The following HSPG2 variants were observed in gnomAD, a reference collection of about 807,000 sequenced individuals.
The protein encoded by HSPG2 is heparan sulfate proteoglycan 2, also known as basement membrane-specific heparan sulfate proteoglycan core protein.
A neutral mutation model predicts 526.6 loss-of-function variants in HSPG2; 278 were observed. The ratio of observed to expected loss-of-function variants is 0.53; its 90% CI spans 0.48 to 0.58. The LOEUF (loss-of-function observed/expected upper bound fraction) is 0.58, where lower values mean the gene tolerates loss of function less well. Ranked by LOEUF, HSPG2 falls within the 20% of genes least tolerant of loss-of-function variation. The pLI, the probability that HSPG2 is intolerant of heterozygous loss-of-function variation, is 0.00. For synonymous variants in HSPG2, 2,465 were observed against 2,555.4 expected (o/e 0.96, Z 1.07); for missense variants, 5,354 against 6,099.5 (o/e 0.88, Z 4.07).
intron 85 of HSPG2, 162 bp from the exon 86 acceptor site, chr1:21,830,253 G>A (rs905388186): frequency 9.3e-6 from 6 of 646,300 alleles, no homozygotes; most frequent in Non-Finnish European, 1.7e-5. Context: ...AGAGCAAGGC[G>A]GGAGCCAGAA....
At position 21,855,689 on chromosome 1, in the gene HSPG2, G is replaced by A. The variant is rs1165837036; in HGVS notation, c.5702-14C>T. ...CGCCGGGGCCCCCTGACGAGTAGAC[G>A]TGGGGTCAGCACCCACCAAGCCTGC... is the stretch of plus-strand genomic sequence containing the variant. On this transcript the variant is annotated splice_polypyrimidine_tract_variant and intron_variant, in intron 45 of 96. Transcript: ENST00000374695. 8.8e-6 allele frequency: 14 copies of A among 1,582,852 alleles called. No homozygotes were observed. The highest frequency in any genetic ancestry group is 1.7e-4 in the Middle Eastern group (1 of 6,050).
intron 49 of HSPG2, 74 bp downstream of exon 49, chr1:21,854,537 C>G: frequency 6.7e-7 from 1 of 1,494,906 alleles, no homozygotes; most frequent in East Asian, 2.5e-5. Context: ...CCTCCCCCGC[C>G]CAGCGTACAG....
chr1:21,917,584 C>T (rs1643919075), intron 1 of HSPG2, among the ~76,000 whole-genome samples: 1 of 152,166 alleles, frequency 6.6e-6, no homozygotes, highest in African/African-American at 2.4e-5. Context: ...AAAAGCTGGG[C>T]TTGGACTTCT....
intron 22 of HSPG2, 48 bp downstream of exon 22, chr1:21,876,464 A>G: frequency 6.2e-7 from 1 of 1,612,922 alleles, no homozygotes; most frequent in Non-Finnish European, 8.5e-7. Flanking sequence ...CGCTTGGTCC[A>G]TCCGGCCCAG....
intron 52 of HSPG2, 63 bp from the exon 53 acceptor site, chr1:21,852,296 C>A (rs1474488639): frequency 1.9e-6 from 3 of 1,597,378 alleles, no homozygotes; most frequent in Non-Finnish European, 2.6e-6. Flanking sequence ...GCAGGGGTTG[C>A]CCACCCTGCA....
At chr1:21,876,489 G>T in intron 22 of HSPG2, 23 bp downstream of exon 22, 1 of 1,613,664 alleles carries the variant, frequency 6.2e-7, no homozygotes, top group South Asian at 1.1e-5. Context: ...TGGCGGTCCT[G>T]CCCGCCCACC....
In HSPG2 at chr1:21,876,319, G is replaced by A. The variant is rs1431284519; in HGVS notation, c.2913C>T (p.Pro971=). 2 of 1,613,910 alleles carry A rather than the reference G, an allele frequency of 1.2e-6. No homozygotes were observed. The highest frequency in any genetic ancestry group is 2.2e-5 in the South Asian group (2 of 91,046). The change falls in exon 23 of 97, where the codon CCC becomes CCT. Residue 971 remains proline, a synonymous_variant. Transcript: ENST00000374695. ...AGGAGAATCCCAGTTCCCCGGGCGT[G>A]GGGGAGAAGATGCCCTCGTTGGTGG... ...THTTNEGIFS[P]TPGELGFSSF...
chr1:21,843,171 C>T, intron 66 of HSPG2, 126 bp downstream of exon 66: 1 of 1,409,622 alleles, frequency 7.1e-7, no homozygotes, highest in Non-Finnish European at 1.0e-6. Flanking sequence ...TGGCTTGATC[C>T]TCCGTGGTAG....
chr1:21,875,302 C>A (rs570464871), intron 25 of HSPG2: 27 of 594,312 alleles, frequency 4.5e-5, no homozygotes, highest in Non-Finnish European at 7.2e-5. Context: ...GATCACTCTC[C>A]GGCGAATGAC....
chr1:21,825,849 A>C (rs1389000693), intron 91 of HSPG2, among the ~76,000 whole-genome samples: 1 of 152,074 alleles, frequency 6.6e-6, no homozygotes, highest in Admixed American at 6.5e-5. Context: ...GCAGTGGCAC[A>C]ATCTTGGTTC....
intron 1 of HSPG2, among the ~76,000 whole-genome samples, chr1:21,916,538 A>G (rs1374153335): frequency 6.6e-6 from 1 of 151,440 alleles, no homozygotes; most frequent in Admixed American, 6.6e-5. Flanking sequence ...AAATAACACA[A>G]AAAAAATTGC....
chr1:21,853,041 C>T lies in HSPG2; in HGVS notation c.6469G>A (p.Glu2157Lys), dbSNP rs775573796. Residue 2157 changes from glutamate (E) to lysine (K), a missense_variant, in exon 51 of 97, where the codon GAG (glutamate) becomes AAG (lysine). Coordinates refer to ENST00000374695, the MANE Select transcript of HSPG2 (RefSeq NM_005529.7). The stretch of plus-strand genomic sequence containing the variant: ...TCCGCCACGTGTGAGGAGGAGGGCT[C>T]GATGCGGATGGGCCGGGTGCTGCCG... ...VPGSTRPIRI[E>K]PSSSHVAEGQ... The T allele has an allele frequency of 2.9e-5, 46 of 1,613,866 alleles. No individual in the cohort carries two copies. The highest frequency in any genetic ancestry group is 2.7e-4 in the South Asian group (25 of 91,072).
In HSPG2 at chr1:21,835,219, G is replaced by A. The variant is rs114688070; in HGVS notation, c.10454-274C>T. On this transcript the variant is annotated intron_variant, in intron 76 of 96. Coordinates refer to ENST00000374695, the MANE Select transcript of HSPG2 (RefSeq NM_005529.7). Reference sequence around the variant, plus strand: ...GCTCACCACAGCCTAGAATTCATGCGCTCAAGCAATGCTCCCAGCTTAGCC... The same window carrying A: ...GCTCACCACAGCCTAGAATTCATGCACTCAAGCAATGCTCCCAGCTTAGCC... The A allele has an allele frequency of 4.5e-3, 2,724 of 600,818 alleles. 55 individuals carry two copies. The highest frequency in any genetic ancestry group is 0.045 in the African/African-American group (2,415 of 54,184). The allele number at this position is 600,818 out of a possible 1,614,324, so 37.2% of individuals were successfully genotyped here. A position where few individuals can be genotyped will look rare whatever the true frequency, so the allele number is the denominator to read the frequency against.
chr1:21,841,190 A>G lies in HSPG2; in HGVS notation c.9424T>C (p.Ser3142Pro), dbSNP rs1215625953. Residue 3142 changes from serine to proline, a missense_variant, in exon 71 of 97, where the codon TCC (serine) becomes CCC (proline). Physicochemically the swap from Ser to Pro is moderately conservative, Grantham distance 74. Coordinates refer to ENST00000374695, the MANE Select transcript of HSPG2 (RefSeq NM_005529.7). ...LECVSAGEPR[S>P]SARWTRISST... is the part of the protein sequence containing the mutation. ...CTGATCCGGGTCCAACGAGCAGAGG[A>G]GCGGGGCTCCCCGGCACTGACACAC... 1.2e-6 allele frequency: 2 copies of G among 1,613,732 alleles called. No individual in the cohort carries two copies. Among genetic ancestry groups the G allele is most frequent in the Admixed American group, 1.7e-5 (1 of 60,006 alleles).
chr1:21,834,971 AG>A lies in HSPG2; in HGVS notation c.10454-27del, dbSNP rs772640251. The A allele has an allele frequency of 2.5e-6, 4 of 1,607,638 alleles. No homozygotes were observed. The Admixed American group carries it at 6.7e-5, about 27-fold the overall frequency. ...CTGGGGAGGAGGGAGGCAGAGGTCC[AG>A]TGAGATCAGTCACTGCAGGCCTGGC... On this transcript the variant is annotated intron_variant, in intron 76 of 96. Coordinates refer to ENST00000374695, the MANE Select transcript of HSPG2 (RefSeq NM_005529.7).
chr1:21,881,291 C>A (rs755472159), intron 14 of HSPG2, 48 bp downstream of exon 14: 1 of 1,602,528 alleles, frequency 6.2e-7, no homozygotes, highest in South Asian at 1.1e-5. Flanking sequence ...AGGAGCAGAG[C>A]CCACAGGAAT....
At position 21,872,985 on chromosome 1, in the gene HSPG2, A is replaced by G. The variant is rs1281328760; in HGVS notation, c.3888+12T>C. 6.2e-7 allele frequency: 1 copy of G among 1,609,946 alleles called. No individual in the cohort carries two copies. Among genetic ancestry groups the G allele is most frequent in the South Asian group, 1.1e-5 (1 of 91,026 alleles). On this transcript the variant is annotated intron_variant, in intron 31 of 96. Coordinates refer to ENST00000374695, the MANE Select transcript of HSPG2 (RefSeq NM_005529.7). This position sits in a 1 kb window ranked among gnomAD's most constrained non-coding sequence, Gnocchi z 5.5. Reference sequence around the variant, plus strand: ...CAGAGCAGGCCCCGCAGGGACAGGGATTCGGACTGACCTTGCACTGGCACT... The same window carrying G: ...CAGAGCAGGCCCCGCAGGGACAGGGGTTCGGACTGACCTTGCACTGGCACT...
chr1:21,851,239 C>T, intron 55 of HSPG2: 1 of 421,880 alleles, frequency 2.4e-6, no homozygotes. Context: ...TCCCAAAGTG[C>T]TGGGATTACA....
intron 68 of HSPG2, 27 bp downstream of exon 68, chr1:21,842,212 C>A (rs770577277): frequency 1.2e-6 from 2 of 1,613,112 alleles, no homozygotes; most frequent in Non-Finnish European, 1.7e-6. Context: ...CCCTTCCCCC[C>A]TTGCCCATGG....
Sources: allele counts gnomAD v4.1 joint callset (sites outside exome capture counted in the v4.1 genomes callset), GRCh38; gene constraint gnomAD v4.1.1; non-coding constraint Gnocchi (gnomAD v3.1); transcripts MANE v1.5; gene names NCBI Gene and HGNC (gene_info 2026-07-23, HGNC 2026-07-21).